Variants in NACC2 observed in about 807,000 individuals in gnomAD.
NACC2 encodes nucleus accumbens-associated protein 2.
NACC2 carries 8 observed loss-of-function variants against 25.1 expected under a neutral mutation model. That is an observed-to-expected ratio of 0.32 (90% confidence interval 0.19 to 0.57). The LOEUF (loss-of-function observed/expected upper bound fraction) is 0.57, where lower values mean the gene tolerates loss of function less well. Among genes scored for constraint, NACC2 ranks in the 20% least tolerant of loss-of-function variants. The pLI, the probability that NACC2 is intolerant of heterozygous loss-of-function variation, is 0.89. For synonymous variants in NACC2, 435 were observed against 294.7 expected, an observed-to-expected ratio of 1.48 and a Z score of -4.88; for missense variants, 644 against 650.2, an observed-to-expected ratio of 0.99 and a Z score of 0.10.
intron 1 of NACC2, among the ~76,000 whole-genome samples, chr9:136,051,804 C>A (rs1320897235): frequency 2.0e-5 from 3 of 152,090 alleles, no homozygotes; most frequent in African/African-American, 7.2e-5. Flanking sequence ...ACGCAGCCCG[C>A]CTGCCCAGCT....
At position 136,092,460 on chromosome 9, in the gene NACC2, T is replaced by C. The variant is rs368759413; in HGVS notation, c.-60+2729A>G. Among the ~76,000 whole-genome samples, 19 of 152,296 alleles carry C rather than the reference T, an allele frequency of 1.2e-4. 1 individual carries two copies. The East Asian group carries it at 3.5e-3, about 28-fold the overall frequency. ...GTCCAGCGTCCAGACGGGCTAGCGC[T>C]ACTTCTCTCCTGCCTTGGAGGGCGC... is the stretch of plus-strand genomic sequence containing the variant. On this transcript the variant is annotated intron_variant, in intron 1 of 5. Coordinates refer to ENST00000277554, the MANE Select transcript of NACC2 (RefSeq NM_144653.5).
intron 1 of NACC2, among the ~76,000 whole-genome samples, chr9:136,053,126 G>A (rs1052049684): frequency 2.6e-5 from 4 of 152,368 alleles, no homozygotes; most frequent in South Asian, 2.1e-4. Flanking sequence ...AGCAGGATGC[G>A]GAGGAGGCCC....
chr9:136,094,196 G>C (rs1263427259), intron 1 of NACC2, among the ~76,000 whole-genome samples: 1 of 152,218 alleles, frequency 6.6e-6, no homozygotes, highest in Non-Finnish European at 1.5e-5. Context: ...CCAGGGAGAC[G>C]GGCCCACCAG....
chr9:136,042,685 C>T (rs1840653497), intron 2 of NACC2, among the ~76,000 whole-genome samples: 1 of 148,654 alleles, frequency 6.7e-6, no homozygotes, highest in South Asian at 2.1e-4. Context: ...CACAGACATA[C>T]ACACACAGAC....
chr9:136,071,568 A>G (rs1345562444), intron 1 of NACC2, among the ~76,000 whole-genome samples: 1 of 124,972 alleles, frequency 8.0e-6, no homozygotes, highest in African/African-American at 2.9e-5. Flanking sequence ...AAAAAAAAAT[A>G]CCAGCAAGAC....
At chr9:136,069,956 A>G (rs1057384093) in intron 1 of NACC2, among the ~76,000 whole-genome samples, 1 of 151,918 alleles carries the variant, frequency 6.6e-6, no homozygotes, top group African/African-American at 2.4e-5. Context: ...GCAGGATCTA[A>G]CTGACATTAC....
chr9:136,038,015 C>CA (rs1840579351), intron 2 of NACC2, among the ~76,000 whole-genome samples: 1 of 152,024 alleles, frequency 6.6e-6, no homozygotes, highest in Admixed American at 6.6e-5. Flanking sequence ...TACTCAGCAA[C>CA]AAAAAAGAAT....
At chr9:136,051,925 AGG>A (rs1299190041) in intron 1 of NACC2, among the ~76,000 whole-genome samples, 6 of 149,310 alleles carry the variant, frequency 4.0e-5, no homozygotes, top group Non-Finnish European at 5.9e-5. Context: ...GTGGAGGAGG[AGG>A]AGGAGGAGGA....
Position 136,050,297 on chromosome 9 carries a change from G to A in NACC2, c.225C>T (p.Pro75=), listed in dbSNP as rs1310252405. Residue 75 remains proline (P), a synonymous_variant, in exon 2 of 6, where the codon CCC becomes CCT. Coordinates refer to ENST00000277554, the MANE Select transcript of NACC2 (RefSeq NM_144653.5). ...SAFELPGSVP[P]ACFQQILSFC... is the part of the protein sequence containing the mutation. ...AGGACAGGATCTGCTGGAAGCAGGC[G>A]GGCGGCACGGAGCCGGGCAGCTCGA... is the stretch of plus-strand genomic sequence containing the variant. 5.3e-6 allele frequency: 4 copies of A among 748,794 alleles called. No homozygotes were observed. The highest frequency in any genetic ancestry group is 2.5e-5 in the East Asian group (1 of 39,468). 46.4% of individuals were successfully genotyped at this position (748,794 alleles called of 1,614,324 possible). A position where few individuals can be genotyped will look rare whatever the true frequency, so the allele number is the denominator to read the frequency against.
chr9:136,062,056 G>A (rs1411309341), intron 1 of NACC2, among the ~76,000 whole-genome samples: 1 of 152,016 alleles, frequency 6.6e-6, no homozygotes, highest in Non-Finnish European at 1.5e-5. Flanking sequence ...GGAGGTGGAG[G>A]TTGCAATGAG....
At chr9:136,048,006 C>A (rs977237541) in intron 2 of NACC2, among the ~76,000 whole-genome samples, 2 of 152,220 alleles carry the variant, frequency 1.3e-5, no homozygotes, top group Admixed American at 6.5e-5. Context: ...TGTTTGGATA[C>A]GATGGGTCTG....
rs976765941 is a variant in NACC2, at chr9:136,086,282, C to T, written c.-60+8907G>A. Among the ~76,000 whole-genome samples the T allele has an allele frequency of 1.3e-5, 2 of 152,224 alleles. No homozygotes were observed. Among genetic ancestry groups the T allele is most frequent in the Non-Finnish European group, 2.9e-5 (2 of 68,032 alleles). Reference sequence around the variant, plus strand: ...GTGCAGCTGGGGACAGGACGAAGGGCACATGCCCCCCGAGGCCTCCCACTC... The same window carrying T: ...GTGCAGCTGGGGACAGGACGAAGGGTACATGCCCCCCGAGGCCTCCCACTC... On this transcript the variant is annotated intron_variant, in intron 1 of 5. Coordinates refer to ENST00000277554, the MANE Select transcript of NACC2 (RefSeq NM_144653.5). This position sits in a 1 kb window ranked among gnomAD's most constrained non-coding sequence, Gnocchi z 5.6.
intron 1 of NACC2, among the ~76,000 whole-genome samples, chr9:136,091,197 C>T: frequency 6.6e-6 from 1 of 152,156 alleles, no homozygotes; most frequent in East Asian, 1.9e-4. Context: ...AGTGGCTTCA[C>T]TGGCCCAACA....
intron 1 of NACC2, among the ~76,000 whole-genome samples, chr9:136,061,699 G>A (rs919019740): frequency 3.1e-4 from 47 of 152,164 alleles, no homozygotes; most frequent in African/African-American, 1.0e-3. Context: ...GAGGCAGATC[G>A]GAGGTCTAGC....
rs1387923862 is a variant in NACC2, at chr9:136,022,922, T to C, written c.887-6493A>G. 1.0e-5 allele frequency among the ~76,000 whole-genome samples: 1 copy of C among 100,398 alleles called. No individual in the cohort carries two copies. Among genetic ancestry groups the C allele is most frequent in the Non-Finnish European group, 1.9e-5 (1 of 51,918 alleles). 65.9% of individuals were successfully genotyped at this position (100,398 alleles called of 152,430 possible). A position where few individuals can be genotyped will look rare whatever the true frequency, so the allele number is the denominator to read the frequency against. ...ACGCCATGCCACGCCACACCGTGCC[T>C]GTTAAGACACAGCCCGTTTCGTGGA... On this transcript the variant is annotated intron_variant, in intron 2 of 5. Coordinates refer to ENST00000277554, the MANE Select transcript of NACC2 (RefSeq NM_144653.5). This position sits in a 1 kb window ranked among gnomAD's most constrained non-coding sequence, Gnocchi z 4.4.
intron 2 of NACC2, among the ~76,000 whole-genome samples, chr9:136,035,061 T>C (rs1588565394): frequency 1.3e-5 from 2 of 152,094 alleles, no homozygotes; most frequent in Admixed American, 1.3e-4. Flanking sequence ...GCCACTGCAC[T>C]CCAGCCTGGG....
chr9:136,060,358 A>G (rs1209151456), intron 1 of NACC2, among the ~76,000 whole-genome samples: 2 of 152,262 alleles, frequency 1.3e-5, no homozygotes, highest in African/African-American at 4.8e-5. Flanking sequence ...GCTGCCTTTA[A>G]GCCGGGGCCA....
rs1346356490 is a variant in NACC2, at chr9:136,049,959, G to T, written c.563C>A (p.Ala188Asp). The change falls in exon 2 of 6, where the codon GCC becomes GAC. Residue 188 changes from alanine to aspartate, a missense_variant. Coordinates refer to ENST00000277554, the MANE Select transcript of NACC2 (RefSeq NM_144653.5). ...MELPPAGPGL[A>D]PKRPLETGPR... ...CCCCGTCTCCAGCGGGCGCTTGGGG[G>T]CCAGGCCTGGGCCGGCCGGCGGCAG... 5.0e-6 allele frequency: 3 copies of T among 604,332 alleles called. No individual in the cohort carries two copies. Among genetic ancestry groups the T allele is most frequent in the African/African-American group, 1.9e-5 (1 of 52,188 alleles). The allele number at this position is 604,332 out of a possible 1,614,324, so 37.4% of individuals were successfully genotyped here. A position where few individuals can be genotyped will look rare whatever the true frequency, so the allele number is the denominator to read the frequency against.
At chr9:136,014,451 C>A in intron 3 of NACC2, among the ~76,000 whole-genome samples, 1 of 152,174 alleles carries the variant, frequency 6.6e-6, no homozygotes, top group Non-Finnish European at 1.5e-5. Flanking sequence ...ACCACAGGCG[C>A]CACCACCATG....
Sources: allele counts gnomAD v4.1 joint callset (sites outside exome capture counted in the v4.1 genomes callset), GRCh38; gene constraint gnomAD v4.1.1; non-coding constraint Gnocchi (gnomAD v3.1); transcripts MANE v1.5; gene names NCBI Gene and HGNC (gene_info 2026-07-23, HGNC 2026-07-21).